The following CALN1 variants were observed in gnomAD, a reference collection of about 807,000 sequenced individuals.
The protein encoded by CALN1 is calcium-binding protein 8.
Under a neutral mutation model 30.6 loss-of-function variants are expected in CALN1, and 17 were observed. That is an observed-to-expected ratio of 0.56 (90% CI 0.38 to 0.83). The LOEUF is 0.83. CALN1 is among the 40% of genes least tolerant of loss of function. The pLI, the probability that CALN1 is intolerant of heterozygous loss-of-function variation, is 0.00. For missense variants in CALN1, 291 were observed against 354.9 expected (o/e 0.82, Z 1.45); for synonymous variants, 156 against 131.4 (o/e 1.19, Z -1.28).
At chr7:72,044,038 C>T (rs183955047) in intron 4 of CALN1, among the ~76,000 whole-genome samples, 219 of 152,164 alleles carry the variant, frequency 1.4e-3, no homozygotes, top group Non-Finnish European at 2.2e-3. Flanking sequence ...CCCCCCACCC[C>T]CACCATGATT....
chr7:72,419,074 C>T (rs937067902), intron 1 of CALN1, among the ~76,000 whole-genome samples: 63 of 152,066 alleles, frequency 4.1e-4, no homozygotes, highest in Non-Finnish European at 1.5e-5. Context: ...GAAGTAGATT[C>T]CCAGAAACAC....
chr7:72,501,908 C>CAAAAAAAAAAAAAAA, the CALN1 span, among the ~76,000 whole-genome samples: 1 of 24,736 alleles, frequency 4.0e-5, no homozygotes, highest in Non-Finnish European at 5.9e-5. Context: ...GATTTCGTCT[C>CAAAAAAAAAAAAAAA]AAAAAAAAAA....
At chr7:72,176,061 G>A (rs556290964) in intron 3 of CALN1, among the ~76,000 whole-genome samples, 4 of 152,210 alleles carry the variant, frequency 2.6e-5, no homozygotes, top group African/African-American at 9.6e-5. Context: ...AAGACACACA[G>A]AAACATTCTG....
At chr7:72,214,996 T>C (rs1314509748) in intron 3 of CALN1, among the ~76,000 whole-genome samples, 2 of 152,062 alleles carry the variant, frequency 1.3e-5, no homozygotes, top group Non-Finnish European at 2.9e-5. Flanking sequence ...TGATGAGTTG[T>C]ATGATTATTT....
chr7:71,901,765 C>T (rs1214652425), intron 5 of CALN1, among the ~76,000 whole-genome samples: 2 of 152,098 alleles, frequency 1.3e-5, no homozygotes, highest in Non-Finnish European at 2.9e-5. Context: ...CAAAAGTTAA[C>T]TCAAGATCGA....
chr7:71,855,418 G>A (rs747602710), intron 5 of CALN1, among the ~76,000 whole-genome samples: 11 of 150,800 alleles, frequency 7.3e-5, no homozygotes, highest in Non-Finnish European at 1.5e-4. Context: ...TACATTGGGC[G>A]GTGCTTCATC....
intron 2 of CALN1, among the ~76,000 whole-genome samples, chr7:72,294,535 A>T (rs372802297): frequency 6.6e-6 from 1 of 152,050 alleles, no homozygotes; most frequent in Non-Finnish European, 1.5e-5. Flanking sequence ...GGATAACTTG[A>T]GGCCAGGAGT....
the CALN1 span, among the ~76,000 whole-genome samples, chr7:72,483,280 CTTTTTTTTTTT>C: frequency 1.0e-5 from 1 of 100,116 alleles, no homozygotes; most frequent in African/African-American, 3.6e-5. Context: ...TTTTCTTTTT[CTTTTTTTTTTT>C]TTTTTTTTTT....
chr7:72,350,023 T>C (rs1436651033), intron 2 of CALN1, among the ~76,000 whole-genome samples: 3 of 152,204 alleles, frequency 2.0e-5, no homozygotes, highest in Admixed American at 2.0e-4. Context: ...ACGTCCAGAA[T>C]GGTATCTTCT....
intron 2 of CALN1, among the ~76,000 whole-genome samples, chr7:72,401,321 T>A (rs949673478): frequency 6.6e-6 from 1 of 151,894 alleles, no homozygotes; most frequent in African/African-American, 2.4e-5. Flanking sequence ...CACATCCAAC[T>A]CCCTGGAGCC....
At chr7:72,065,981 A>G (rs1803995610) in intron 4 of CALN1, among the ~76,000 whole-genome samples, 1 of 152,238 alleles carries the variant, frequency 6.6e-6, no homozygotes, top group Non-Finnish European at 1.5e-5. Context: ...CTAACAGTGC[A>G]GCCTCCAAGT....
chr7:72,278,207 C>G (rs2129554018), intron 3 of CALN1, among the ~76,000 whole-genome samples: 1 of 152,172 alleles, frequency 6.6e-6, no homozygotes, highest in South Asian at 2.1e-4. Context: ...CCACTGTCAC[C>G]TAGACAAAGC....
intron 2 of CALN1, among the ~76,000 whole-genome samples, chr7:72,399,065 G>A (rs1021003364): frequency 6.6e-6 from 1 of 152,054 alleles, no homozygotes; most frequent in Admixed American, 6.6e-5. Flanking sequence ...TAGAAGAGAA[G>A]GAGGTCACCA....
At chr7:71,963,186 A>G (rs1416565479) in intron 5 of CALN1, among the ~76,000 whole-genome samples, 1 of 152,140 alleles carries the variant, frequency 6.6e-6, no homozygotes, top group Non-Finnish European at 1.5e-5. Context: ...TTTTTGAGAC[A>G]GAGTCTTGCT....
rs568902387 is a variant in CALN1, at chr7:71,811,014, C to T, written c.502-522G>A. 4.0e-5 allele frequency among the ~76,000 whole-genome samples: 6 copies of T among 151,860 alleles called. No homozygotes were observed. In the East Asian group the frequency reaches 9.7e-4, roughly 25 times the overall value. ...AGTTCAAGCGATTCTCCTGCCTCAG[C>T]CTCCGTAGTAGCTGGAATTACAGGT... On this transcript the variant is annotated intron_variant, in intron 5 of 6. Transcript: ENST00000395275.
chr7:72,359,899 C>A (rs1442553153), intron 2 of CALN1, among the ~76,000 whole-genome samples: 1 of 141,962 alleles, frequency 7.0e-6, no homozygotes, highest in Non-Finnish European at 1.5e-5. Flanking sequence ...ACGGCATGAA[C>A]CCAGGAGGCG....
chr7:72,371,195 G>T (rs543750970), intron 2 of CALN1, among the ~76,000 whole-genome samples: 1 of 152,170 alleles, frequency 6.6e-6, no homozygotes, highest in Non-Finnish European at 1.5e-5. Context: ...TTTCCTTCCA[G>T]AATTTTTATG....
intron 5 of CALN1, among the ~76,000 whole-genome samples, chr7:71,938,092 G>A: frequency 6.6e-6 from 1 of 152,310 alleles, no homozygotes; most frequent in South Asian, 2.1e-4. Context: ...AAGTTCCCAA[G>A]AGTATCAGAG....
chr7:72,113,210 T>A (rs756123562), intron 3 of CALN1, among the ~76,000 whole-genome samples: 28 of 152,142 alleles, frequency 1.8e-4, no homozygotes, highest in Admixed American at 7.9e-4. Flanking sequence ...CAATACTCTC[T>A]CTGGGAGGAG....
Sources: allele counts gnomAD v4.1 joint callset (sites outside exome capture counted in the v4.1 genomes callset), GRCh38; gene constraint gnomAD v4.1.1; transcripts MANE v1.5; gene names NCBI Gene and HGNC (gene_info 2026-07-23, HGNC 2026-07-21).